Variants in KPNA1 observed in about 807,000 individuals in gnomAD.
The protein encoded by KPNA1 is importin subunit alpha-5.
A neutral mutation model predicts 70.5 loss-of-function variants in KPNA1; 10 were observed. That is an observed-to-expected ratio of 0.14 (90% CI 0.09 to 0.24). The LOEUF (loss-of-function observed/expected upper bound fraction) is 0.24, where lower values mean the gene tolerates loss of function less well. Ranked by LOEUF, KPNA1 falls within the 10% of genes least tolerant of loss-of-function variation. KPNA1 has a pLI of 1.00. For synonymous variants in KPNA1, 192 were observed against 221.9 expected, an observed-to-expected ratio of 0.87 and a Z score of 1.20; for missense variants, 397 against 637.9, an observed-to-expected ratio of 0.62 and a Z score of 4.07.
intron 3 of KPNA1, among the ~76,000 whole-genome samples, chr3:122,467,030 A>T (rs2076388511): frequency 6.6e-6 from 1 of 151,152 alleles, no homozygotes; most frequent in Admixed American, 6.6e-5. Context: ...TAAATAAATA[A>T]ATAAATAAAT....
At chr3:122,495,019 A>C (rs2076741159) in intron 2 of KPNA1, among the ~76,000 whole-genome samples, 1 of 152,134 alleles carries the variant, frequency 6.6e-6, no homozygotes, top group Non-Finnish European at 1.5e-5. Context: ...TGGGAGGCTG[A>C]GGCAGGCAGA....
intron 1 of KPNA1, among the ~76,000 whole-genome samples, chr3:122,509,156 C>A (rs2076925414): frequency 6.6e-6 from 1 of 151,158 alleles, no homozygotes. Flanking sequence ...TGAGTCAGAA[C>A]AATGGCTTAA....
intron 2 of KPNA1, among the ~76,000 whole-genome samples, chr3:122,487,545 G>GT (rs1321877760): frequency 1.3e-5 from 2 of 152,182 alleles, no homozygotes; most frequent in Non-Finnish European, 2.9e-5. Context: ...GGAAAATGTG[G>GT]TAATACATAC....
intron 8 of KPNA1, among the ~76,000 whole-genome samples, chr3:122,451,310 G>T (rs1376836515): frequency 6.6e-6 from 1 of 152,036 alleles, no homozygotes; most frequent in Non-Finnish European, 1.5e-5. Flanking sequence ...TGCTTTATTT[G>T]CAGTCCCATC....
At chr3:122,460,648 GA>G (rs1218854248) in intron 5 of KPNA1, 29,197 of 467,286 alleles carry the variant, frequency 0.062, 7 homozygotes, top group Non-Finnish European at 0.066. Flanking sequence ...AGAAAAAGAA[GA>G]AAAAAAAAAA....
rs116647857 is a variant in KPNA1 at position 122,423,863 on chromosome 3, T to C, written c.*3122A>G. ...GAGCCAATAACCTTCATCTGTCATA[T>C]GGAAGAAACAATCCTAGGGCAATAG... is the stretch of plus-strand genomic sequence containing the variant. On this transcript the variant is annotated 3_prime_UTR_variant, in exon 14 of 14. Coordinates refer to ENST00000344337, the MANE Select transcript of KPNA1 (RefSeq NM_002264.4). 6.5e-6 allele frequency: 1 copy of C among 152,696 alleles called. No homozygotes were observed. The highest frequency in any genetic ancestry group is 2.4e-5 in the African/African-American group (1 of 41,594). The allele number at this position is 152,696 out of a possible 1,614,324, so 9.5% of individuals were successfully genotyped here.
At chr3:122,490,886 T>C (rs999240498) in intron 2 of KPNA1, among the ~76,000 whole-genome samples, 2 of 152,158 alleles carry the variant, frequency 1.3e-5, no homozygotes, top group African/African-American at 4.8e-5. Flanking sequence ...GTATCAGGTT[T>C]CTAATATTAA....
At chr3:122,506,559 T>C (rs912293561) in intron 1 of KPNA1, among the ~76,000 whole-genome samples, 2 of 152,328 alleles carry the variant, frequency 1.3e-5, no homozygotes, top group African/African-American at 4.8e-5. Context: ...ATTAAGAGCA[T>C]TTCAGTGTTC....
intron 5 of KPNA1, chr3:122,460,119 G>A: frequency 1.0e-6 from 1 of 985,240 alleles, no homozygotes; most frequent in South Asian, 4.7e-5. Context: ...TAGCTGCATA[G>A]TCTCAGGGCC....
At chr3:122,435,465 G>T (rs1369472583) in intron 11 of KPNA1, among the ~76,000 whole-genome samples, 1 of 152,128 alleles carries the variant, frequency 6.6e-6, no homozygotes, top group Non-Finnish European at 1.5e-5. Flanking sequence ...CAATCTACAT[G>T]GGTCCACTGG....
At chr3:122,476,925 T>C (rs961255220) in intron 2 of KPNA1, among the ~76,000 whole-genome samples, 11 of 144,772 alleles carry the variant, frequency 7.6e-5, no homozygotes, top group Admixed American at 1.4e-4. Flanking sequence ...ATCCCACTAC[T>C]GGGCATATAT....
intron 12 of KPNA1, among the ~76,000 whole-genome samples, chr3:122,431,322 C>T (rs1351572424): frequency 7.2e-5 from 10 of 139,756 alleles, no homozygotes; most frequent in Non-Finnish European, 1.5e-4. Context: ...AACACCAACA[C>T]GCCCAGCTAA....
At chr3:122,452,598 GAA>G (rs2107737238) in intron 6 of KPNA1, among the ~76,000 whole-genome samples, 4 of 100,606 alleles carry the variant, frequency 4.0e-5, no homozygotes, top group Admixed American at 9.9e-5. Context: ...AGGAAGGAAG[GAA>G]GGAAGGAAGG....
At chr3:122,487,785 G>A (rs1028382068) in intron 2 of KPNA1, among the ~76,000 whole-genome samples, 3 of 152,134 alleles carry the variant, frequency 2.0e-5, no homozygotes, top group Non-Finnish European at 2.9e-5. Context: ...GTTTAATGTG[G>A]CATAGAATTT....
intron 2 of KPNA1, among the ~76,000 whole-genome samples, chr3:122,470,408 A>G (rs992012799): frequency 3.9e-5 from 6 of 151,910 alleles, no homozygotes; most frequent in African/African-American, 1.5e-4. Flanking sequence ...GCTACCCAGG[A>G]AGCTGAGGCA....
chr3:122,490,034 G>A (rs2076679673), intron 2 of KPNA1, among the ~76,000 whole-genome samples: 2 of 152,218 alleles, frequency 1.3e-5, no homozygotes, highest in African/African-American at 4.8e-5. Context: ...TTCCAGCCCT[G>A]TGTAAGTACC....
chr3:122,471,584 G>T (rs2076442833), intron 2 of KPNA1, among the ~76,000 whole-genome samples: 2 of 151,890 alleles, frequency 1.3e-5, no homozygotes, highest in Non-Finnish European at 1.5e-5. Context: ...ACTCATGCCT[G>T]TAATCCCAGC....
chr3:122,438,602 T>C (rs2076021139), intron 10 of KPNA1, among the ~76,000 whole-genome samples: 1 of 151,960 alleles, frequency 6.6e-6, no homozygotes, highest in African/African-American at 2.4e-5. Context: ...GTCAGGCTGG[T>C]CTTGAACTCC....
intron 12 of KPNA1, among the ~76,000 whole-genome samples, chr3:122,429,770 G>A (rs1368654723): frequency 6.6e-6 from 1 of 152,156 alleles, no homozygotes; most frequent in African/African-American, 2.4e-5. Context: ...AACAAAGTTG[G>A]AGGAATGACA....
Sources: gnomAD v4.1 joint callset for allele counts (sites outside exome capture counted in the v4.1 genomes callset) on GRCh38, gnomAD v4.1.1 for gene constraint, MANE v1.5 for transcripts, NCBI Gene and HGNC (gene_info 2026-07-23, HGNC 2026-07-21) for gene names.